PTGES3L: variants seen among roughly 807,000 people sequenced by gnomAD.
The protein encoded by PTGES3L is putative protein PTGES3L.
In PTGES3L, 17 loss-of-function variants were observed where a neutral mutation model predicts 25.0. The observed-to-expected ratio is 0.68, with a 90% CI of 0.47 to 1.02. The LOEUF (loss-of-function observed/expected upper bound fraction) is 1.02, where lower values mean the gene tolerates loss of function less well. Ranked by LOEUF, PTGES3L falls within the 50% of genes least tolerant of loss-of-function variation. PTGES3L has a pLI of 0.00. For synonymous variants in PTGES3L, 59 were observed against 65.7 expected (o/e 0.90, Z 0.50); for missense variants, 202 against 197.5 (o/e 1.02, Z -0.14).
intron 6 of PTGES3L, among the ~76,000 whole-genome samples, chr17:42,969,662 A>G (rs1418607942): frequency 1.3e-5 from 2 of 151,864 alleles, no homozygotes; most frequent in African/African-American, 2.4e-5. Flanking sequence ...TTGGCCTCTC[A>G]AAGTGCTGGG....
Position 42,979,235 on chromosome 17 carries a change from TAATA to T in PTGES3L, c.219_222del (p.Ile74LeufsTer4). The T allele has an allele frequency of 6.2e-7, 1 of 1,614,050 alleles. No individual in the cohort carries two copies. The highest frequency in any genetic ancestry group is 8.5e-7 in the Non-Finnish European group (1 of 1,180,016). ...TCCTTCCATTTTCTCACAAAACAAG[TAATA>T]GAGCGGGAAGAGCGCTTATCCTGGG... On this transcript the variant is annotated frameshift_variant, in exon 4 of 7. Transcript: ENST00000591916. LOFTEE classifies it high-confidence loss of function.
rs1491292208 is a variant in PTGES3L at position 42,969,200 on chromosome 17, GGA to G, written c.433-16_433-15del. 4.2e-5 allele frequency: 59 copies of G among 1,391,134 alleles called. No homozygotes were observed. The African/African-American group carries it at 9.0e-4, about 21-fold the overall frequency. The allele number at this position is 1,391,134 out of a possible 1,614,324, so 86.2% of individuals were successfully genotyped here. ...GTCAGAATCATCCTGGGGGCGGGGGGGAAAAAAGACAAAGCACCTGTAGACCC... is the reference window on the plus strand; with the variant it reads ...GTCAGAATCATCCTGGGGGCGGGGGGAAAAAGACAAAGCACCTGTAGACCC... On this transcript the variant is annotated splice_polypyrimidine_tract_variant and intron_variant, in intron 6 of 6. Coordinates refer to ENST00000591916, the MANE Select transcript of PTGES3L (RefSeq NM_001261430.2).
In PTGES3L at chr17:42,979,461, G is replaced by A; in HGVS notation, c.123-17C>T. 1.2e-6 allele frequency: 2 copies of A among 1,614,228 alleles called. No individual in the cohort carries two copies. The highest frequency in any genetic ancestry group is 2.2e-5 in the East Asian group (1 of 44,892). ...TTCTTGCAGCTGAGGAGACAATGAAGCTGAGGAGATGCGGAATACTCCGTG... is the reference window on the plus strand; with the variant it reads ...TTCTTGCAGCTGAGGAGACAATGAAACTGAGGAGATGCGGAATACTCCGTG... On this transcript the variant is annotated splice_polypyrimidine_tract_variant and intron_variant, in intron 2 of 6. Transcript: ENST00000591916.
rs1367223328 is a variant in PTGES3L at position 42,968,737 on chromosome 17, G to A, written c.*411C>T. ...GGAAACAGACAGAGAACAGTTCCTA[G>A]AGATTTATTATAATCTGTTTCTTCT... On this transcript the variant is annotated 3_prime_UTR_variant, in exon 7 of 7. Coordinates refer to ENST00000591916, the MANE Select transcript of PTGES3L (RefSeq NM_001261430.2). 6.2e-6 allele frequency: 1 copy of A among 160,928 alleles called. No individual in the cohort carries two copies. The highest frequency in any genetic ancestry group is 6.4e-5 in the Admixed American group (1 of 15,642). The allele number at this position is 160,928 out of a possible 1,614,324, so 10.0% of individuals were successfully genotyped here.
Position 42,969,136 on chromosome 17 carries a change from C to A in PTGES3L, c.*12G>T. 1 of 1,537,644 alleles carries A rather than the reference C, an allele frequency of 6.5e-7. No individual in the cohort carries two copies. Among genetic ancestry groups the A allele is most frequent in the Non-Finnish European group, 8.8e-7 (1 of 1,136,972 alleles). ...AGCCACAGCTGCCTTCCCAGCTTTG[C>A]GTCACAGAAAGTTAATTACTTGTTG... On this transcript the variant is annotated 3_prime_UTR_variant, in exon 7 of 7. Coordinates refer to ENST00000591916, the MANE Select transcript of PTGES3L (RefSeq NM_001261430.2).
At chr17:42,970,470 C>G (rs1005794064) in intron 5 of PTGES3L, 128 bp from the exon 6 acceptor site, 1 of 944,888 alleles carries the variant, frequency 1.1e-6, no homozygotes, top group Non-Finnish European at 1.6e-6. Context: ...TTTAAAACAT[C>G]ACTGGAATTA....
intron 4 of PTGES3L, among the ~76,000 whole-genome samples, chr17:42,973,836 A>G (rs2049904024): frequency 6.9e-6 from 1 of 145,048 alleles, no homozygotes; most frequent in Admixed American, 7.0e-5. Flanking sequence ...AATCTCAAGT[A>G]ATCAGGGACA....
intron 4 of PTGES3L, among the ~76,000 whole-genome samples, chr17:42,973,189 G>GT (rs1281954865): frequency 3.0e-5 from 4 of 133,890 alleles, no homozygotes; most frequent in African/African-American, 5.5e-5. Flanking sequence ...CGGGAGGGAG[G>GT]TGGGGGGGGG....
At chr17:42,971,930 C>A (rs535755008) in intron 4 of PTGES3L, 263 of 465,182 alleles carry the variant, frequency 5.7e-4, no homozygotes, top group Non-Finnish European at 8.7e-4. Flanking sequence ...TGGCTCATGC[C>A]TGTAATCTCA....
Position 42,978,920 on chromosome 17 carries a change from A to C in PTGES3L, c.288+250T>G, listed in dbSNP as rs181099865. ...GAGGCTGAGGCAGGAGAATTGCTTG[A>C]ACCCGGGAGGCGGAGGCCATGGTGA... On this transcript the variant is annotated intron_variant, in intron 4 of 6. Transcript: ENST00000591916. Among the ~76,000 whole-genome samples, 222 of 152,248 alleles carry C rather than the reference A, an allele frequency of 1.5e-3. 1 individual carries two copies. Among genetic ancestry groups the C allele is most frequent in the Admixed American group, 3.5e-3 (53 of 15,266 alleles).
chr17:42,978,871 A>G (rs1232749719), intron 4 of PTGES3L, among the ~76,000 whole-genome samples: 8 of 152,048 alleles, frequency 5.3e-5, no homozygotes, highest in Non-Finnish European at 1.2e-4. Context: ...GTGGTGGTGC[A>G]TGCCTGTAAT....
chr17:42,979,276 A>G lies in PTGES3L; in HGVS notation c.190-8T>C. The G allele has an allele frequency of 6.2e-7, 1 of 1,614,118 alleles. No homozygotes were observed. Among genetic ancestry groups the G allele is most frequent in the Non-Finnish European group, 8.5e-7 (1 of 1,180,018 alleles). ...GCGCTTATCCTGGGAGTCCTGCCAG[A>G]TAGAGAGCCTCATTCTTAGGGTCTG... On this transcript the variant is annotated splice_region_variant and splice_polypyrimidine_tract_variant and intron_variant, in intron 3 of 6. Coordinates refer to ENST00000591916, the MANE Select transcript of PTGES3L (RefSeq NM_001261430.2).
intron 6 of PTGES3L, among the ~76,000 whole-genome samples, 153 bp downstream of exon 6, chr17:42,970,136 A>G (rs933340820): frequency 2.0e-5 from 3 of 152,064 alleles, no homozygotes; most frequent in Admixed American, 2.0e-4. Flanking sequence ...CCACCCCCCA[A>G]AAAAAGAATA....
intron 1 of PTGES3L, 71 bp downstream of exon 1, chr17:42,979,975 C>T: frequency 2.0e-6 from 3 of 1,495,164 alleles, no homozygotes; most frequent in Non-Finnish European, 2.7e-6. Flanking sequence ...ACCTGGAGCG[C>T]CCAGAAGACT....
chr17:42,973,181 G>A (rs1597738069), intron 4 of PTGES3L, among the ~76,000 whole-genome samples: 1 of 146,360 alleles, frequency 6.8e-6, no homozygotes, highest in African/African-American at 2.5e-5. Context: ...ACCCCATCCG[G>A]GAGGGAGGTG....
In PTGES3L at chr17:42,979,674, G is replaced by A; in HGVS notation, c.9-11C>T. ...GTCCGGGCGTGCTGCCTGAAGAGAAGTTGAGGTGTGGCTTCATAGGGGTGG... is the reference window on the plus strand; with the variant it reads ...GTCCGGGCGTGCTGCCTGAAGAGAAATTGAGGTGTGGCTTCATAGGGGTGG... On this transcript the variant is annotated splice_polypyrimidine_tract_variant and intron_variant, in intron 1 of 6. Coordinates refer to ENST00000591916, the MANE Select transcript of PTGES3L (RefSeq NM_001261430.2). 1.2e-6 allele frequency: 2 copies of A among 1,612,776 alleles called. No homozygotes were observed. Among genetic ancestry groups the A allele is most frequent in the Non-Finnish European group, 1.7e-6 (2 of 1,179,312 alleles).
chr17:42,973,408 G>A (rs1399296167), intron 4 of PTGES3L, among the ~76,000 whole-genome samples: 5 of 148,232 alleles, frequency 3.4e-5, no homozygotes, highest in East Asian at 2.1e-4. Flanking sequence ...CGCCCCGTCC[G>A]GGAGGTGAGG....
intron 1 of PTGES3L, 67 bp downstream of exon 1, chr17:42,979,979 G>C: frequency 6.7e-7 from 1 of 1,499,084 alleles, no homozygotes. Context: ...GGAGCGCCCA[G>C]AAGACTTGGA....
intron 4 of PTGES3L, among the ~76,000 whole-genome samples, chr17:42,975,892 G>A (rs1021726554): frequency 1.3e-5 from 2 of 152,042 alleles, no homozygotes; most frequent in Non-Finnish European, 2.9e-5. Context: ...GGCCAGGCTG[G>A]TCTCAAATTC....
Sources: allele counts gnomAD v4.1 joint callset (sites outside exome capture counted in the v4.1 genomes callset), GRCh38; gene constraint gnomAD v4.1.1; transcripts MANE v1.5; gene names NCBI Gene and HGNC (gene_info 2026-07-23, HGNC 2026-07-21).